PLPPR1: variants seen among roughly 807,000 people sequenced by gnomAD.
PLPPR1 encodes the protein phospholipid phosphatase related 1.
In PLPPR1, 10 loss-of-function variants were observed where a neutral mutation model predicts 33.1. That is an observed-to-expected ratio of 0.30 (90% CI 0.19 to 0.51). PLPPR1 has a LOEUF of 0.51. Among genes scored for constraint, PLPPR1 ranks in the 20% least tolerant of loss-of-function variants. The pLI is 0.97. For synonymous variants in PLPPR1, 151 were observed against 151.0 expected, an observed-to-expected ratio of 1.00 and a Z score of 0.00; for missense variants, 304 against 408.1, an observed-to-expected ratio of 0.74 and a Z score of 2.20.
At chr9:101,317,994 A>G (rs1211650309) in intron 7 of PLPPR1, among the ~76,000 whole-genome samples, 2 of 152,214 alleles carry the variant, frequency 1.3e-5, no homozygotes, top group Non-Finnish European at 2.9e-5. Flanking sequence ...GCATCATACC[A>G]GGGATACAAA....
At chr9:101,282,387 C>T (rs564987830) in intron 3 of PLPPR1, among the ~76,000 whole-genome samples, 3 of 152,066 alleles carry the variant, frequency 2.0e-5, no homozygotes, top group South Asian at 2.1e-4. Flanking sequence ...AAACCCTCAA[C>T]AAATTAGGTA....
intron 1 of PLPPR1, among the ~76,000 whole-genome samples, chr9:101,077,675 C>T (rs1830555862): frequency 6.6e-6 from 1 of 152,112 alleles, no homozygotes; most frequent in Admixed American, 6.5e-5. Flanking sequence ...AGGCCTTAGA[C>T]AATCCCACGA....
chr9:101,243,590 G>C (rs1007269207), intron 2 of PLPPR1, among the ~76,000 whole-genome samples: 1 of 151,998 alleles, frequency 6.6e-6, no homozygotes, highest in Non-Finnish European at 1.5e-5. Context: ...GAAGTACTGT[G>C]AGAGGAGCCT....
intron 1 of PLPPR1, among the ~76,000 whole-genome samples, chr9:101,042,123 T>C (rs967781792): frequency 6.6e-6 from 1 of 152,160 alleles, no homozygotes; most frequent in East Asian, 1.9e-4. Context: ...TGCCTGACAT[T>C]ACAACAAGTT....
intron 1 of PLPPR1, among the ~76,000 whole-genome samples, chr9:101,064,118 C>G (rs1830379676): frequency 6.6e-6 from 1 of 152,072 alleles, no homozygotes; most frequent in South Asian, 2.1e-4. Context: ...AAAACACAGT[C>G]AGTGCATCAT....
At chr9:101,194,078 G>A (rs749398671) in intron 2 of PLPPR1, among the ~76,000 whole-genome samples, 22 of 152,088 alleles carry the variant, frequency 1.4e-4, no homozygotes, top group Non-Finnish European at 2.9e-4. Flanking sequence ...CTGGATACAG[G>A]CTCATTTTGT....
intron 4 of PLPPR1, among the ~76,000 whole-genome samples, chr9:101,301,283 G>T (rs1446106053): frequency 1.3e-5 from 2 of 151,978 alleles, no homozygotes; most frequent in Non-Finnish European, 1.5e-5. Context: ...TACAATTGTA[G>T]GTTTCTTATA....
intron 2 of PLPPR1, among the ~76,000 whole-genome samples, chr9:101,239,388 G>A (rs1457153685): frequency 1.3e-5 from 2 of 151,894 alleles, no homozygotes; most frequent in South Asian, 2.1e-4. Flanking sequence ...AGGGAGGTAA[G>A]GGTAGAAAGA....
intron 7 of PLPPR1, among the ~76,000 whole-genome samples, chr9:101,322,071 G>T (rs898999671): frequency 6.7e-6 from 1 of 149,386 alleles, no homozygotes; most frequent in Non-Finnish European, 1.5e-5. Flanking sequence ...GGTGGCAGGC[G>T]CCTGTAATCC....
chr9:101,290,330 T>A (rs1828472770), intron 4 of PLPPR1, among the ~76,000 whole-genome samples: 1 of 152,158 alleles, frequency 6.6e-6, no homozygotes, highest in African/African-American at 2.4e-5. Context: ...TGGCATGAAT[T>A]TTCTCTTGCA....
intron 1 of PLPPR1, among the ~76,000 whole-genome samples, chr9:101,032,705 C>T (rs534976609): frequency 4.0e-4 from 61 of 152,224 alleles, no homozygotes; most frequent in Non-Finnish European, 7.6e-4. Flanking sequence ...ATCATGACTT[C>T]CATTTCTCCA....
chr9:101,275,273 G>T (rs929258227), intron 3 of PLPPR1, among the ~76,000 whole-genome samples: 6 of 152,196 alleles, frequency 3.9e-5, no homozygotes, highest in African/African-American at 1.4e-4. Flanking sequence ...GCACTGCTGC[G>T]CGTCTGCAGA....
At chr9:101,220,815 C>T (rs1231740764) in intron 2 of PLPPR1, among the ~76,000 whole-genome samples, 1 of 152,190 alleles carries the variant, frequency 6.6e-6, no homozygotes, top group Non-Finnish European at 1.5e-5. Flanking sequence ...GAAGGTTGAA[C>T]ATGTTGTTGG....
chr9:101,264,346 C>G (rs1827948937), intron 2 of PLPPR1, among the ~76,000 whole-genome samples: 1 of 152,076 alleles, frequency 6.6e-6, no homozygotes, highest in Non-Finnish European at 1.5e-5. Context: ...GGAGCTGGGC[C>G]AAAACCAATA....
intron 1 of PLPPR1, among the ~76,000 whole-genome samples, chr9:101,114,653 T>C (rs544525596): frequency 1.3e-4 from 20 of 152,346 alleles, no homozygotes; most frequent in Middle Eastern, 3.4e-3. Flanking sequence ...ACAGTGTAAT[T>C]AAGGTAGATC....
At chr9:101,201,875 C>T (rs1826500215) in intron 2 of PLPPR1, among the ~76,000 whole-genome samples, 1 of 152,162 alleles carries the variant, frequency 6.6e-6, no homozygotes, top group African/African-American at 2.4e-5. Context: ...TTGACTTTGG[C>T]ATGATTCCTA....
At chr9:101,273,182 T>G (rs534911950) in intron 3 of PLPPR1, among the ~76,000 whole-genome samples, 7 of 152,346 alleles carry the variant, frequency 4.6e-5, no homozygotes, top group African/African-American at 1.4e-4. Flanking sequence ...CTCACAATTT[T>G]CTGCCTGTTT....
intron 2 of PLPPR1, among the ~76,000 whole-genome samples, chr9:101,216,995 A>G (rs1488946145): frequency 1.3e-5 from 2 of 152,234 alleles, no homozygotes; most frequent in African/African-American, 4.8e-5. Flanking sequence ...TAAGGTAGGC[A>G]TTACTAAGCA....
At chr9:101,092,687 G>A (rs1588024706) in intron 1 of PLPPR1, among the ~76,000 whole-genome samples, 2 of 152,166 alleles carry the variant, frequency 1.3e-5, no homozygotes, top group East Asian at 3.9e-4. Flanking sequence ...TCTCGGCTCA[G>A]GGCTCACCTC....
Sources: gnomAD v4.1 joint callset for allele counts (sites outside exome capture counted in the v4.1 genomes callset) on GRCh38, gnomAD v4.1.1 for gene constraint, MANE v1.5 for transcripts, NCBI Gene and HGNC (gene_info 2026-07-23, HGNC 2026-07-21) for gene names.